SLFN13: variants seen among roughly 807,000 people sequenced by gnomAD.
The protein encoded by SLFN13 is schlafen family member 13.
Under a neutral mutation model 50.6 loss-of-function variants are expected in SLFN13, and 43 were observed. That is an observed-to-expected ratio of 0.85 (90% CI 0.67 to 1.09). The LOEUF (loss-of-function observed/expected upper bound fraction) is 1.09. Ranked by LOEUF, SLFN13 falls within the 50% of genes least tolerant of loss-of-function variation. The probability of loss-of-function intolerance (pLI) is 0.00; values close to 1 mark genes in which losing one functional copy is unlikely to be tolerated. For synonymous variants in SLFN13, 339 were observed against 386.5 expected (o/e 0.88, Z 1.44); for missense variants, 881 against 1,071.1 (o/e 0.82, Z 2.48).
chr17:35,443,619 C>T (rs1261287654), intron 4 of SLFN13, among the ~76,000 whole-genome samples, 170 bp downstream of exon 4: 1 of 152,166 alleles, frequency 6.6e-6, no homozygotes, highest in Non-Finnish European at 1.5e-5. Flanking sequence ...ATGTGGCAAC[C>T]AATGGGCCAG....
In SLFN13 at chr17:35,440,284, GC is replaced by G. The variant is rs747025019; in HGVS notation, c.*310del. On this transcript the variant is annotated 3_prime_UTR_variant, in exon 6 of 6. Coordinates refer to ENST00000285013, the MANE Select transcript of SLFN13 (RefSeq NM_144682.6). ...ACAGGCTGAGTTTCTTATTTTTATG[GC>G]TTTTACCCAGAGAGCAAGACACAGG... The G allele has an allele frequency of 8.6e-5, 25 of 289,156 alleles. No individual in the cohort carries two copies. Among genetic ancestry groups the G allele is most frequent in the Non-Finnish European group, 1.4e-4 (22 of 156,236 alleles). The allele number at this position is 289,156 out of a possible 1,614,324, so 17.9% of individuals were successfully genotyped here. A position where few individuals can be genotyped will look rare whatever the true frequency, so the allele number is the denominator to read the frequency against.
In SLFN13 at chr17:35,445,569, G is replaced by C. The variant is rs1391197072; in HGVS notation, c.112C>G (p.Gln38Glu). The stretch of plus-strand genomic sequence containing the variant: ...ACTCTCGCCCTCTCTTGGTCTCTCT[G>C]AGTTTTCTGTAGCTTTTTTCTGTTT... ...EENRKKLQKTQRDQERARVIR... is the reference protein window; with the variant it reads ...EENRKKLQKTERDQERARVIR... Residue 38 changes from glutamine (Q) to glutamate (E), a missense_variant, in exon 3 of 6, where the codon CAG (glutamine) becomes GAG (glutamate). Gln to Glu is a conservative substitution (Grantham distance 29). Coordinates refer to ENST00000285013, the MANE Select transcript of SLFN13 (RefSeq NM_144682.6). 6.2e-7 allele frequency: 1 copy of C among 1,614,040 alleles called. No homozygotes were observed. Among genetic ancestry groups the C allele is most frequent in the Admixed American group, 1.7e-5 (1 of 60,016 alleles).
At chr17:35,441,525 T>C in intron 5 of SLFN13, 38 bp downstream of exon 5, 1 of 1,610,990 alleles carries the variant, frequency 6.2e-7, no homozygotes, top group Non-Finnish European at 8.5e-7. Context: ...TAAACCCAGA[T>C]TAAATAAAAC....
In SLFN13 at chr17:35,444,648, C is replaced by T. The variant is rs753022696; in HGVS notation, c.1033G>A (p.Glu345Lys). Residue 345 changes from glutamate to lysine, a missense_variant, in exon 3 of 6, where the codon GAA (glutamate) becomes AAA (lysine). Coordinates refer to ENST00000285013, the MANE Select transcript of SLFN13 (RefSeq NM_144682.6). ...GCGTCCATCATTTTCTCTACCCATT[C>T]CTCAGTTGTCAAGGGGCGGATGTAC... ...EKYIRPLTTE[E>K]WVEKMMDADP... 11 of 1,614,042 alleles carry T rather than the reference C, an allele frequency of 6.8e-6. No individual in the cohort carries two copies. In the Admixed American group the frequency reaches 8.3e-5, roughly 12 times the overall value.
At position 35,438,107 on chromosome 17, in the gene SLFN13, TA is replaced by T. The variant is rs11337992; in HGVS notation, c.*2487del. 26,656 of 141,314 alleles carry T rather than the reference TA, an allele frequency of 0.19. 2,881 individuals are homozygous for T. Among genetic ancestry groups the T allele is most frequent in the South Asian group, 0.39 (1,767 of 4,522 alleles). The allele number at this position is 141,314 out of a possible 1,614,324, so 8.8% of individuals were successfully genotyped here. ...GAAACACAGTGAGACCTTTTCTCTT[TA>T]AAAAAAAAAAAAAAAAAAATTTACA... On this transcript the variant is annotated 3_prime_UTR_variant, in exon 6 of 6. Transcript: ENST00000285013.
rs776310204 is a variant in SLFN13 at position 35,441,217 on chromosome 17, T to C, written c.2072A>G (p.Glu691Gly). The change falls in exon 6 of 6, where the codon GAA (glutamate) becomes GGA (glycine). Residue 691 changes from glutamate to glycine, a missense_variant. Physicochemically the swap from Glu to Gly is moderately conservative, Grantham distance 98. This residue lies in a region of SLFN13 where 322 missense variants were observed against 327.4 expected (regional missense o/e 0.98). Coordinates refer to ENST00000285013, the MANE Select transcript of SLFN13 (RefSeq NM_144682.6). The part of the protein sequence containing the change: ...YRKAKTITQR[E>G]KDCPGVLWIF... ...CCAGAGAACTCCTGGACAATCCTTT[T>C]CTCTCTGAGTGATGGTTTTTGCCTT... is the stretch of plus-strand genomic sequence containing the variant. 1.2e-6 allele frequency: 2 copies of C among 1,614,094 alleles called. No homozygotes were observed. Among genetic ancestry groups the C allele is most frequent in the Non-Finnish European group, 1.7e-6 (2 of 1,180,002 alleles).
chr17:35,440,890 A>C lies in SLFN13; in HGVS notation c.2399T>G (p.Phe800Cys). The change falls in exon 6 of 6, where the codon TTT becomes TGT. Residue 800 changes from phenylalanine (F) to cysteine (C), a missense_variant. By Grantham distance (205) the Phe-to-Cys change is radical. This residue lies in a region of SLFN13 where 322 missense variants were observed against 327.4 expected (regional missense o/e 0.98). Coordinates refer to ENST00000285013, the MANE Select transcript of SLFN13 (RefSeq NM_144682.6). Reference sequence around the variant, plus strand: ...ATCCTTTGGAGAATAGCCCCTTTCAAAGAAGCACCTGCAGGTGTCTGCCAC... The same window carrying C: ...ATCCTTTGGAGAATAGCCCCTTTCACAGAAGCACCTGCAGGTGTCTGCCAC... ...TYVADTCRCFFERGYSPKDVA... is the reference protein window; with the variant it reads ...TYVADTCRCFCERGYSPKDVA... 6.2e-7 allele frequency: 1 copy of C among 1,614,130 alleles called. No homozygotes were observed. The highest frequency in any genetic ancestry group is 8.5e-7 in the Non-Finnish European group (1 of 1,180,008).
At position 35,445,461 on chromosome 17, in the gene SLFN13, C is replaced by T. The variant is rs1306347757; in HGVS notation, c.220G>A (p.Glu74Lys). The T allele has an allele frequency of 6.2e-7, 1 of 1,614,194 alleles. No homozygotes were observed. Among genetic ancestry groups the T allele is most frequent in the South Asian group, 1.1e-5 (1 of 91,084 alleles). The change falls in exon 3 of 6, where the codon GAG becomes AAG. Residue 74 changes from glutamate (E) to lysine (K), a missense_variant. By Grantham distance (56) the Glu-to-Lys change is moderately conservative. Transcript: ENST00000285013. ...EMANRDERPT[E>K]MGLDLEESLR... ...GATTCTTCTAAATCCAGTCCCATCT[C>T]TGTGGGACGCTCATCCCTGTTGGCC...
At chr17:35,449,158 G>T (rs1396162515), upstream of SLFN13, among the ~76,000 whole-genome samples, 2 of 151,754 alleles carry the variant, frequency 1.3e-5, no homozygotes, top group Non-Finnish European at 2.9e-5. Context: ...AGGATCACTT[G>T]AGCCCGAGGA....
In SLFN13 at chr17:35,437,129, A is replaced by T. The variant is rs1223456727; in HGVS notation, c.*3466T>A. 6.6e-6 allele frequency: 1 copy of T among 152,166 alleles called. No individual in the cohort carries two copies. The highest frequency in any genetic ancestry group is 1.5e-5 in the Non-Finnish European group (1 of 68,032). The allele number at this position is 152,166 out of a possible 1,614,324, so 9.4% of individuals were successfully genotyped here. A position where few individuals can be genotyped will look rare whatever the true frequency, so the allele number is the denominator to read the frequency against. On this transcript the variant is annotated 3_prime_UTR_variant, in exon 6 of 6. Transcript: ENST00000285013. ...AAGGCGAGAGAAGGCCATCAGGATC[A>T]TCTGTGGTCAAAGGACTCTGGGCAC...
chr17:35,438,919 T>C lies in SLFN13; in HGVS notation c.*1676A>G, dbSNP rs1244848468. The C allele has an allele frequency of 5.3e-5, 8 of 152,250 alleles. No homozygotes were observed. The highest frequency in any genetic ancestry group is 1.0e-4 in the Non-Finnish European group (7 of 68,012). 9.4% of individuals were successfully genotyped at this position (152,250 alleles called of 1,614,324 possible). A position where few individuals can be genotyped will look rare whatever the true frequency, so the allele number is the denominator to read the frequency against. On this transcript the variant is annotated 3_prime_UTR_variant, in exon 6 of 6. Transcript: ENST00000285013. ...TAGCATTGTTAAGTATCAGTGTTTT[T>C]AGTTTGATGAATGATCATACAGCTG...
Position 35,445,535 on chromosome 17 carries a change from G to C in SLFN13, c.146C>G (p.Ala49Gly). 1 of 1,614,076 alleles carries C rather than the reference G, an allele frequency of 6.2e-7. No individual in the cohort carries two copies. Among genetic ancestry groups the C allele is most frequent in the Non-Finnish European group, 8.5e-7 (1 of 1,180,018 alleles). ...TCCTGAGTTTAATAAAGCACACGCG[G>C]CCCGTATAACTCTCGCCCTCTCTTG... ...RDQERARVIRAACALLNSGGG... is the reference protein window; with the variant it reads ...RDQERARVIRGACALLNSGGG... Residue 49 changes from alanine (A) to glycine (G), a missense_variant, in exon 3 of 6, where the codon GCC (alanine) becomes GGC (glycine). Ala to Gly is a moderately conservative substitution (Grantham distance 60). Transcript: ENST00000285013.
Position 35,442,609 on chromosome 17 carries a change from A to AT in SLFN13, c.1199-324dup, listed in dbSNP as rs576107958. On this transcript the variant is annotated intron_variant, in intron 4 of 5. Coordinates refer to ENST00000285013, the MANE Select transcript of SLFN13 (RefSeq NM_144682.6). ...CAGGCTCCTGCCACCACGCCCGGCT[A>AT]TTTTTTTGTATTTTTAGTAGAGACA... Among the ~76,000 whole-genome samples the AT allele has an allele frequency of 5.4e-4, 82 of 151,910 alleles. 1 individual carries two copies. The South Asian group carries it at 0.015, about 27-fold the overall frequency.
chr17:35,440,967 TG>T lies in SLFN13; in HGVS notation c.2321del (p.Pro774GlnfsTer15), dbSNP rs753225182. 1 of 1,612,994 alleles carries T rather than the reference TG, an allele frequency of 6.2e-7. No individual in the cohort carries two copies. The highest frequency in any genetic ancestry group is 8.5e-7 in the Non-Finnish European group (1 of 1,180,020). On this transcript the variant is annotated frameshift_variant, in exon 6 of 6. Coordinates refer to ENST00000285013, the MANE Select transcript of SLFN13 (RefSeq NM_144682.6). LOFTEE classifies it low-confidence loss of function (END_TRUNC). ...AGTTTTTAATAATCTTTGTGTTGCC[TG>T]GAACACCTGGAACCCATTTAGCTTC... is the stretch of plus-strand genomic sequence containing the variant. ...LSEAKWVPGV[P>X]GNTKIIKNFT...
At chr17:35,443,995 G>A in intron 3 of SLFN13, 75 bp from the exon 4 acceptor site, 1 of 1,448,270 alleles carries the variant, frequency 6.9e-7, no homozygotes, top group Non-Finnish European at 9.3e-7. Flanking sequence ...ACAAGGCTGT[G>A]TCTAAATTTC....
chr17:35,440,829 C>T lies in SLFN13; in HGVS notation c.2460G>A (p.Glu820=), dbSNP rs1253097268. The change falls in exon 6 of 6, where the codon GAG becomes GAA. Residue 820 remains glutamate, a synonymous_variant. Coordinates refer to ENST00000285013, the MANE Select transcript of SLFN13 (RefSeq NM_144682.6). The stretch of plus-strand genomic sequence containing the variant: ...CTTTCAAGAGCTTAGACTGATACTG[C>T]TCCACTTCTGTCACGGTGCTGACAA... ...AVLVSTVTEV[E]QYQSKLLKAM... The T allele has an allele frequency of 1.2e-6, 2 of 1,614,152 alleles. No individual in the cohort carries two copies. Among genetic ancestry groups the T allele is most frequent in the Admixed American group, 1.7e-5 (1 of 60,028 alleles).
Position 35,445,087 on chromosome 17 carries a change from A to C in SLFN13, c.594T>G (p.Ile198Met). Residue 198 changes from isoleucine to methionine, a missense_variant, in exon 3 of 6, where the codon ATT becomes ATG. Transcript: ENST00000285013. ...PAYEVFQTDT[I>M]EYGEILSFPE... The stretch of plus-strand genomic sequence containing the variant: ...GAAAAGATAGGATTTCACCATATTC[A>C]ATAGTGTCAGTTTGGAAAACTTCAT... The C allele has an allele frequency of 6.2e-7, 1 of 1,613,938 alleles. No homozygotes were observed. Among genetic ancestry groups the C allele is most frequent in the Non-Finnish European group, 8.5e-7 (1 of 1,180,028 alleles).
At position 35,438,745 on chromosome 17, in the gene SLFN13, G is replaced by A. The variant is rs891797448; in HGVS notation, c.*1850C>T. 1.6e-4 allele frequency: 24 copies of A among 152,216 alleles called. No individual in the cohort carries two copies. Among genetic ancestry groups the A allele is most frequent in the African/African-American group, 5.3e-4 (22 of 41,556 alleles). The allele number at this position is 152,216 out of a possible 1,614,324, so 9.4% of individuals were successfully genotyped here. The stretch of plus-strand genomic sequence containing the variant: ...AAGTTCAAAACTTACAATATGGAGG[G>A]AAATCAGCCAAATAGGATTACTTAT... On this transcript the variant is annotated 3_prime_UTR_variant, in exon 6 of 6. Coordinates refer to ENST00000285013, the MANE Select transcript of SLFN13 (RefSeq NM_144682.6).
At chr17:35,448,075 G>T (rs909284279) in intron 1 of SLFN13, among the ~76,000 whole-genome samples, 4 of 130,668 alleles carry the variant, frequency 3.1e-5, no homozygotes, top group African/African-American at 1.1e-4. Context: ...CATAGCGATA[G>T]GGTCTCCCTA....
Sources: gnomAD v4.1 joint callset for allele counts (sites outside exome capture counted in the v4.1 genomes callset) on GRCh38, gnomAD v4.1.1 for gene constraint, gnomAD v4.1.1 regional missense constraint, MANE v1.5 for transcripts, NCBI Gene and HGNC (gene_info 2026-07-23, HGNC 2026-07-21) for gene names.